TRPM8: variants seen among roughly 807,000 people sequenced by gnomAD.
The protein encoded by TRPM8 is TRPM8 cationic channel.
Under a neutral mutation model 133.7 loss-of-function variants are expected in TRPM8, and 110 were observed. The ratio of observed to expected loss-of-function variants is 0.82; its 90% confidence interval spans 0.70 to 0.96. TRPM8 has a LOEUF of 0.96. Ranked by LOEUF, TRPM8 falls within the 40% of genes least tolerant of loss-of-function variation. The pLI is 0.00. For missense variants in TRPM8, 1,291 were observed against 1,379.5 expected (o/e 0.94, Z 1.02); for synonymous variants, 535 against 532.3 (o/e 1.01, Z -0.07).
At chr2:233,999,814 C>T (rs963092086) in intron 22 of TRPM8, among the ~76,000 whole-genome samples, 2 of 152,218 alleles carry the variant, frequency 1.3e-5, no homozygotes, top group African/African-American at 4.8e-5. Flanking sequence ...TATGCCCTGA[C>T]ATCTGCAGCT....
Position 233,970,191 on chromosome 2 carries a change from C to A in TRPM8, c.2139-19C>A. On this transcript the variant is annotated intron_variant, in intron 16 of 25. Transcript: ENST00000324695. Reference sequence around the variant, plus strand: ...CATGCTTGCAAGGATGCTGACGATGCCCTTATCTCTGGGTCCAGGAAGAAA... The same window carrying A: ...CATGCTTGCAAGGATGCTGACGATGACCTTATCTCTGGGTCCAGGAAGAAA... The A allele has an allele frequency of 1.3e-5, 21 of 1,611,040 alleles. No homozygotes were observed. Among genetic ancestry groups the A allele is most frequent in the Non-Finnish European group, 1.8e-5 (21 of 1,177,218 alleles).
chr2:233,926,778 T>C (rs1691526160), intron 2 of TRPM8, 124 bp downstream of exon 2: 1 of 718,992 alleles, frequency 1.4e-6, no homozygotes, highest in Non-Finnish European at 2.4e-6. Flanking sequence ...TTCCTTTCAC[T>C]ACTTAATGCT....
intron 17 of TRPM8, among the ~76,000 whole-genome samples, chr2:233,977,481 T>G (rs1192435524): frequency 6.6e-6 from 1 of 152,216 alleles, no homozygotes; most frequent in Non-Finnish European, 1.5e-5. Context: ...TCTCCCGGGC[T>G]GAGGTTGGGC....
At chr2:233,954,258 G>A (rs972022145) in intron 10 of TRPM8, among the ~76,000 whole-genome samples, 12 of 152,216 alleles carry the variant, frequency 7.9e-5, no homozygotes, top group East Asian at 1.9e-4. Flanking sequence ...AAACAAAATC[G>A]CAGTAGTCTC....
intron 3 of TRPM8, among the ~76,000 whole-genome samples, chr2:233,931,309 T>C (rs1691675521): frequency 6.6e-6 from 1 of 152,200 alleles, no homozygotes; most frequent in African/African-American, 2.4e-5. Context: ...ACCCTTTGTG[T>C]AGAAGATGCA....
chr2:233,932,168 T>C (rs1445566277), intron 3 of TRPM8, among the ~76,000 whole-genome samples: 3 of 152,216 alleles, frequency 2.0e-5, no homozygotes, highest in African/African-American at 7.2e-5. Flanking sequence ...AATGGGATCT[T>C]GTGGCTGAAA....
intron 4 of TRPM8, among the ~76,000 whole-genome samples, chr2:233,938,781 G>C (rs1690826116): frequency 1.3e-5 from 2 of 152,010 alleles, no homozygotes; most frequent in South Asian, 4.2e-4. Context: ...TTGAATTTTC[G>C]GGCCCCAAGA....
chr2:233,936,781 T>A (rs1021255089), intron 3 of TRPM8, among the ~76,000 whole-genome samples: 4 of 152,200 alleles, frequency 2.6e-5, no homozygotes, highest in African/African-American at 9.6e-5. Flanking sequence ...AGAAGATCGA[T>A]TCCATGACAG....
At chr2:234,008,455 A>G (rs1304323539) in intron 24 of TRPM8, among the ~76,000 whole-genome samples, 1 of 152,216 alleles carries the variant, frequency 6.6e-6, no homozygotes, top group Non-Finnish European at 1.5e-5. Context: ...CCTTGATGCT[A>G]GTCTTTGCTG....
chr2:233,987,573 C>T (rs1475711622), intron 21 of TRPM8, among the ~76,000 whole-genome samples: 2 of 152,184 alleles, frequency 1.3e-5, no homozygotes, highest in Admixed American at 1.3e-4. Flanking sequence ...CAGTGTGTGG[C>T]CATCTGGTCT....
intron 11 of TRPM8, among the ~76,000 whole-genome samples, chr2:233,959,653 T>C (rs1375244624): frequency 6.6e-6 from 1 of 152,058 alleles, no homozygotes; most frequent in African/African-American, 2.4e-5. Context: ...GAAATGTAGA[T>C]TTTGATGAAC....
chr2:233,943,067 C>CTTTGTT lies in TRPM8; in HGVS notation c.699+322_699+323insGTTTTT, dbSNP rs752382228. On this transcript the variant is annotated intron_variant, in intron 6 of 25. Transcript: ENST00000324695. The stretch of plus-strand genomic sequence containing the variant: ...GCGGGCTCAAAGCCAACTGCAGTAT[C>CTTTGTT]TTTTTTTTTTTTTTTTTTTTACACC... 4.0e-3 allele frequency: 711 copies of CTTTGTT among 178,518 alleles called. 6 individuals carry two copies. Among genetic ancestry groups the CTTTGTT allele is most frequent in the African/African-American group, 0.022 (661 of 29,530 alleles). 11.1% of individuals were successfully genotyped at this position (178,518 alleles called of 1,614,324 possible).
chr2:233,965,513 C>T (rs1691545493), intron 14 of TRPM8, among the ~76,000 whole-genome samples: 1 of 152,320 alleles, frequency 6.6e-6, no homozygotes, highest in South Asian at 2.1e-4. Context: ...AACCGATTAC[C>T]TCTAAACAGC....
At chr2:234,000,724 G>A (rs1201748036) in intron 22 of TRPM8, among the ~76,000 whole-genome samples, 1 of 151,534 alleles carries the variant, frequency 6.6e-6, no homozygotes, top group African/African-American at 2.4e-5. Flanking sequence ...TGTCCCCCAG[G>A]CTGGAGTGCA....
intron 22 of TRPM8, among the ~76,000 whole-genome samples, chr2:234,004,335 T>G (rs1160429698): frequency 3.9e-5 from 6 of 152,312 alleles, no homozygotes; most frequent in Non-Finnish European, 7.4e-5. Flanking sequence ...GAGCCCCACT[T>G]TCTGACTGCA....
intron 14 of TRPM8, 77 bp downstream of exon 14, chr2:233,964,834 A>G (rs2125194991): frequency 6.8e-7 from 1 of 1,460,100 alleles, no homozygotes; most frequent in Non-Finnish European, 9.2e-7. Flanking sequence ...GCACTCATAG[A>G]CCAGATGGTG....
chr2:233,966,897 G>A, intron 15 of TRPM8, 142 bp downstream of exon 15: 1 of 1,066,166 alleles, frequency 9.4e-7, no homozygotes. Flanking sequence ...GTGATGATGT[G>A]GGAGATGGCC....
At chr2:233,922,816 T>A (rs950139672) in intron 1 of TRPM8, among the ~76,000 whole-genome samples, 1 of 152,180 alleles carries the variant, frequency 6.6e-6, no homozygotes, top group African/African-American at 2.4e-5. Context: ...ACCAGCCTGG[T>A]TTTTCTCCTT....
intron 5 of TRPM8, among the ~76,000 whole-genome samples, chr2:233,939,667 T>A (rs781703561): frequency 1.8e-4 from 28 of 152,346 alleles, no homozygotes; most frequent in Non-Finnish European, 8.8e-5. Flanking sequence ...CTTTATATTT[T>A]AAAAAATTTT....
Sources: gnomAD v4.1 joint callset for allele counts (sites outside exome capture counted in the v4.1 genomes callset) on GRCh38, gnomAD v4.1.1 for gene constraint, MANE v1.5 for transcripts, NCBI Gene and HGNC (gene_info 2026-07-23, HGNC 2026-07-21) for gene names.